Variants in CLSTN2 observed in about 807,000 individuals in gnomAD.
CLSTN2 encodes calsyntenin 2.
A neutral mutation model predicts 101.2 loss-of-function variants in CLSTN2; 48 were observed. The observed-to-expected ratio is 0.47, with a 90% CI of 0.38 to 0.60. CLSTN2 has a LOEUF of 0.60. Ranked by LOEUF, CLSTN2 falls within the 20% of genes least tolerant of loss-of-function variation. The pLI is 0.00. For missense variants in CLSTN2, 1,160 were observed against 1,238.2 expected (o/e 0.94, Z 0.95); for synonymous variants, 481 against 463.6 (o/e 1.04, Z -0.48).
At chr3:140,514,255 T>G (rs1015788392) in intron 8 of CLSTN2, among the ~76,000 whole-genome samples, 2 of 152,152 alleles carry the variant, frequency 1.3e-5, no homozygotes, top group African/African-American at 4.8e-5. Context: ...CAGTATACAC[T>G]GTGCCCAATA....
At chr3:140,108,405 A>C (rs2009097984) in intron 1 of CLSTN2, among the ~76,000 whole-genome samples, 1 of 152,198 alleles carries the variant, frequency 6.6e-6, no homozygotes, top group South Asian at 2.1e-4. Context: ...GAGCCCATGG[A>C]ACCTGGGAAG....
intron 1 of CLSTN2, among the ~76,000 whole-genome samples, chr3:139,997,318 T>G (rs551643808): frequency 7.1e-6 from 1 of 140,778 alleles, no homozygotes; most frequent in African/African-American, 2.7e-5. Flanking sequence ...TTGCAGTAAT[T>G]TTCTGCTCAT....
intron 1 of CLSTN2, among the ~76,000 whole-genome samples, chr3:140,133,398 T>G (rs1251006124): frequency 2.0e-5 from 3 of 152,206 alleles, no homozygotes; most frequent in Non-Finnish European, 4.4e-5. Context: ...CTTATTGACT[T>G]TGAAACTACA....
chr3:140,257,629 C>T (rs983069653), intron 2 of CLSTN2, among the ~76,000 whole-genome samples: 2 of 150,556 alleles, frequency 1.3e-5, no homozygotes, highest in Admixed American at 1.3e-4. Context: ...TCTATGTACA[C>T]AATTATTTTT....
chr3:139,969,423 G>C (rs1217788835), intron 1 of CLSTN2, among the ~76,000 whole-genome samples: 1 of 152,114 alleles, frequency 6.6e-6, no homozygotes, highest in Non-Finnish European at 1.5e-5. Context: ...AGTAGACCTT[G>C]AGTGCCTCCC....
intron 6 of CLSTN2, chr3:140,454,155 T>C (rs957274565): frequency 1.1e-4 from 16 of 152,242 alleles, no homozygotes; most frequent in African/African-American, 3.9e-4. Flanking sequence ...TTATGGATGC[T>C]GACAGTGAGC....
intron 2 of CLSTN2, among the ~76,000 whole-genome samples, chr3:140,304,314 C>T (rs547007021): frequency 1.1e-4 from 16 of 152,256 alleles, no homozygotes; most frequent in Admixed American, 9.2e-4. Context: ...ACAGCCATAA[C>T]AAAATACAAT....
chr3:140,080,546 T>C (rs2008578676), intron 1 of CLSTN2, among the ~76,000 whole-genome samples: 1 of 152,186 alleles, frequency 6.6e-6, no homozygotes, highest in Non-Finnish European at 1.5e-5. Flanking sequence ...CTCTGGCCCT[T>C]GAGTCTCTCT....
chr3:139,979,412 C>G (rs1935876898), intron 1 of CLSTN2, among the ~76,000 whole-genome samples: 2 of 152,176 alleles, frequency 1.3e-5, no homozygotes, highest in Non-Finnish European at 2.9e-5. Context: ...TCTCACCAGG[C>G]AAGTAGCTAA....
At chr3:140,407,955 G>C (rs2088322601) in intron 4 of CLSTN2, among the ~76,000 whole-genome samples, 1 of 152,152 alleles carries the variant, frequency 6.6e-6, no homozygotes, top group South Asian at 2.1e-4. Flanking sequence ...CACGAAGTAT[G>C]GGGCGATGTC....
chr3:140,510,977 C>T (rs548154831), intron 8 of CLSTN2, among the ~76,000 whole-genome samples: 43 of 152,232 alleles, frequency 2.8e-4, no homozygotes, highest in African/African-American at 8.9e-4. Flanking sequence ...GCTCAGTGTC[C>T]GTTAGCTATT....
At chr3:140,531,268 C>T (rs558466044) in intron 8 of CLSTN2, among the ~76,000 whole-genome samples, 1 of 152,174 alleles carries the variant, frequency 6.6e-6, no homozygotes, top group African/African-American at 2.4e-5. Context: ...GACTAATGGG[C>T]TTCAAAAGGA....
chr3:140,462,006 T>TAATGAAAAAATTCAAGTATAGACATA (rs147930745), intron 7 of CLSTN2, among the ~76,000 whole-genome samples: 47,990 of 150,944 alleles, frequency 0.32, 7,779 homozygotes, highest in Admixed American at 0.38. Flanking sequence ...TTTTTTCAAG[T>TAATGAAAAAATTCAAGTATAGACATA]CATAAAGCAA....
At chr3:140,334,108 C>T (rs1445383784) in intron 2 of CLSTN2, among the ~76,000 whole-genome samples, 2 of 152,128 alleles carry the variant, frequency 1.3e-5, no homozygotes, top group Non-Finnish European at 2.9e-5. Context: ...TCTTGGGCCT[C>T]AGTTTCCTCA....
At chr3:140,359,957 T>G (rs1217192354) in intron 2 of CLSTN2, among the ~76,000 whole-genome samples, 1 of 151,150 alleles carries the variant, frequency 6.6e-6, no homozygotes, top group African/African-American at 2.4e-5. Flanking sequence ...TATGTATTTA[T>G]ATGTAATATA....
intron 1 of CLSTN2, among the ~76,000 whole-genome samples, chr3:140,030,539 G>C (rs1296853418): frequency 2.6e-5 from 4 of 152,134 alleles, no homozygotes; most frequent in Admixed American, 2.6e-4. Flanking sequence ...TAGGCAGGTG[G>C]TAGACTCAGA....
intron 8 of CLSTN2, among the ~76,000 whole-genome samples, chr3:140,523,592 G>A (rs1341591640): frequency 6.6e-5 from 10 of 152,142 alleles, no homozygotes; most frequent in Admixed American, 6.5e-4. Context: ...GCCTTACTTA[G>A]CTCAATTCAC....
intron 2 of CLSTN2, among the ~76,000 whole-genome samples, chr3:140,344,238 G>A (rs968277880): frequency 3.9e-5 from 6 of 152,164 alleles, no homozygotes; most frequent in African/African-American, 1.4e-4. Flanking sequence ...ATTCAAGTCT[G>A]CTCTACACAC....
At chr3:140,126,138 T>A (rs2009426227) in intron 1 of CLSTN2, among the ~76,000 whole-genome samples, 1 of 151,878 alleles carries the variant, frequency 6.6e-6, no homozygotes, top group South Asian at 2.1e-4. Flanking sequence ...AGAAGAGAGA[T>A]CATTGGGTTG....
Sources: allele counts gnomAD v4.1 joint callset (sites outside exome capture counted in the v4.1 genomes callset), GRCh38; gene constraint gnomAD v4.1.1; transcripts MANE v1.5; gene names NCBI Gene and HGNC (gene_info 2026-07-23, HGNC 2026-07-21).